Variants in ERICH3 observed in about 807,000 individuals in gnomAD.
ERICH3 encodes the protein glutamate rich 3.
Under a neutral mutation model 131.1 loss-of-function variants are expected in ERICH3, and 126 were observed. The ratio of observed to expected loss-of-function variants is 0.96; its 90% CI spans 0.83 to 1.11. The LOEUF (loss-of-function observed/expected upper bound fraction) is 1.11, where lower values mean the gene tolerates loss of function less well. Among genes scored for constraint, ERICH3 ranks in the 50% most tolerant of loss-of-function variants. ERICH3 has a pLI of 0.00. For missense variants in ERICH3, 2,050 were observed against 1,810.7 expected, an observed-to-expected ratio of 1.13 and a Z score of -2.40; for synonymous variants, 695 against 644.6, an observed-to-expected ratio of 1.08 and a Z score of -1.18.
chr1:74,649,513 A>T (rs1646514096), intron 1 of ERICH3, among the ~76,000 whole-genome samples, 198 bp from the exon 2 acceptor site: 1 of 152,088 alleles, frequency 6.6e-6, no homozygotes, highest in South Asian at 2.1e-4. Flanking sequence ...AATCGTCCTG[A>T]TTTTAATTAT....
chr1:74,577,031 A>C, intron 12 of ERICH3, 95 bp from the exon 13 acceptor site: 1 of 1,056,004 alleles, frequency 9.5e-7, no homozygotes, highest in East Asian at 2.6e-5. Context: ...AGTTAAGGCA[A>C]ATTCACCTAG....
chr1:74,589,816 C>T lies in ERICH3; in HGVS notation c.1991G>A (p.Ser664Asn). The change falls in exon 12 of 15, where the codon AGC becomes AAC. Residue 664 changes from serine to asparagine, a missense_variant. By Grantham distance (46) the Ser-to-Asn change is conservative. Transcript: ENST00000326665. ...VETKPMPIDE[S>N]FENVLKEGTE... The stretch of plus-strand genomic sequence containing the variant: ...TCCTTCTTTAAGAACATTCTCAAAG[C>T]TTTCGTCTATTGGCATCGGCTTGGT... The T allele has an allele frequency of 6.2e-7, 1 of 1,614,098 alleles. No homozygotes were observed.
chr1:74,591,304 T>C (rs761476844), intron 11 of ERICH3, among the ~76,000 whole-genome samples: 2 of 152,114 alleles, frequency 1.3e-5, no homozygotes, highest in East Asian at 1.9e-4. Flanking sequence ...TCAAGGGAGA[T>C]ATTTCAAGCC....
chr1:74,616,837 G>C (rs1193211896), intron 8 of ERICH3, among the ~76,000 whole-genome samples: 1 of 152,142 alleles, frequency 6.6e-6, no homozygotes, highest in Non-Finnish European at 1.5e-5. Flanking sequence ...ATATTGAAGT[G>C]ACGGAACCAC....
chr1:74,604,699 T>C (rs982537130), intron 10 of ERICH3, among the ~76,000 whole-genome samples: 1 of 151,918 alleles, frequency 6.6e-6, no homozygotes, highest in African/African-American at 2.4e-5. Context: ...GAAATCTTTT[T>C]CCCTGAGCAG....
At chr1:74,631,278 A>G (rs1646330787) in intron 7 of ERICH3, among the ~76,000 whole-genome samples, 1 of 152,170 alleles carries the variant, frequency 6.6e-6, no homozygotes, top group African/African-American at 2.4e-5. Context: ...CTCTTAAAAA[A>G]TTACTGAAAT....
At chr1:74,643,400 A>G (rs561647682) in intron 3 of ERICH3, among the ~76,000 whole-genome samples, 151 of 152,266 alleles carry the variant, frequency 9.9e-4, no homozygotes, top group African/African-American at 3.5e-3. Context: ...CAAAGATGCT[A>G]TCTGAAAGAT....
intron 8 of ERICH3, among the ~76,000 whole-genome samples, chr1:74,613,948 A>G (rs1429923182): frequency 6.6e-6 from 1 of 152,184 alleles, no homozygotes; most frequent in Non-Finnish European, 1.5e-5. Context: ...CCTCTCTACT[A>G]TGTACGCATT....
intron 3 of ERICH3, 140 bp downstream of exon 3, chr1:74,646,527 T>C (rs1259147121): frequency 5.9e-6 from 3 of 509,820 alleles, no homozygotes; most frequent in Non-Finnish European, 9.2e-6. Flanking sequence ...TCTCTCTTTT[T>C]CTAGGTACAA....
intron 8 of ERICH3, among the ~76,000 whole-genome samples, 171 bp from the exon 9 acceptor site, chr1:74,612,980 A>G (rs1648774384): frequency 6.6e-6 from 1 of 152,192 alleles, no homozygotes; most frequent in African/African-American, 2.4e-5. Flanking sequence ...TGGGTCACAT[A>G]TAAAATACAC....
chr1:74,629,371 T>G (rs1649517907), intron 7 of ERICH3, among the ~76,000 whole-genome samples: 1 of 151,574 alleles, frequency 6.6e-6, no homozygotes, highest in Admixed American at 6.6e-5. Context: ...AGAAAAAGGT[T>G]TTTTTTTTCT....
intron 10 of ERICH3, among the ~76,000 whole-genome samples, chr1:74,605,778 A>G (rs924146833): frequency 3.3e-5 from 5 of 151,840 alleles, no homozygotes; most frequent in African/African-American, 9.7e-5. Context: ...ACCATGACAG[A>G]TATCATAATA....
intron 7 of ERICH3, among the ~76,000 whole-genome samples, chr1:74,631,327 G>T (rs1029928443): frequency 6.6e-6 from 1 of 151,918 alleles, no homozygotes; most frequent in Non-Finnish European, 1.5e-5. Context: ...GCCATAAATT[G>T]TTCAAAATAA....
intron 1 of ERICH3, among the ~76,000 whole-genome samples, chr1:74,653,433 G>C (rs1208611846): frequency 6.6e-6 from 1 of 151,572 alleles, no homozygotes; most frequent in Non-Finnish European, 1.5e-5. Context: ...GAGAGAGAGA[G>C]AGAGAGGAGA....
chr1:74,652,047 C>T (rs1646540121), intron 1 of ERICH3, among the ~76,000 whole-genome samples: 1 of 152,088 alleles, frequency 6.6e-6, no homozygotes, highest in Non-Finnish European at 1.5e-5. Flanking sequence ...TGGGTTCTTG[C>T]TTGGGATACC....
chr1:74,597,987 G>T (rs769823833), intron 11 of ERICH3, among the ~76,000 whole-genome samples: 1 of 151,828 alleles, frequency 6.6e-6, no homozygotes, highest in Non-Finnish European at 1.5e-5. Context: ...GCTGTAGTCT[G>T]CCACTGGTGT....
chr1:74,599,926 C>T lies in ERICH3; in HGVS notation c.1495G>A (p.Glu499Lys), dbSNP rs768988742. 1 of 1,602,024 alleles carries T rather than the reference C, an allele frequency of 6.2e-7. No individual in the cohort carries two copies. ...DQENTLKYEYEEDFEVDEEKQ... is the reference protein window; with the variant it reads ...DQENTLKYEYKEDFEVDEEKQ... ...TCCTCATCTACTTCAAAGTCTTCTT[C>T]ATACTCTGAAATAGGAAAATCTCCA... The change falls in exon 11 of 15, where the codon GAA becomes AAA. Residue 499 changes from glutamate to lysine, a missense_variant. Transcript: ENST00000326665.
intron 11 of ERICH3, among the ~76,000 whole-genome samples, chr1:74,594,370 C>G (rs1242987740): frequency 6.6e-6 from 1 of 151,338 alleles, no homozygotes; most frequent in Non-Finnish European, 1.5e-5. Context: ...TACGCCTGAC[C>G]AAGGGCACCA....
At chr1:74,576,247 T>C (rs1647051813) in intron 13 of ERICH3, among the ~76,000 whole-genome samples, 1 of 152,250 alleles carries the variant, frequency 6.6e-6, no homozygotes, top group Non-Finnish European at 1.5e-5. Context: ...ATCTTCCTTG[T>C]GCACACCTTT....
Sources: gnomAD v4.1 joint callset for allele counts (sites outside exome capture counted in the v4.1 genomes callset) on GRCh38, gnomAD v4.1.1 for gene constraint, MANE v1.5 for transcripts, NCBI Gene and HGNC (gene_info 2026-07-23, HGNC 2026-07-21) for gene names.